Variants in TNR observed in about 807,000 individuals in gnomAD.
TNR encodes tenascin R, also known as tenascin-R.
A neutral mutation model predicts 150.4 loss-of-function variants in TNR; 45 were observed. The observed-to-expected ratio is 0.30, with a 90% CI of 0.24 to 0.38. TNR has a LOEUF of 0.38. TNR is among the 10% of genes least tolerant of loss of function. The probability of loss-of-function intolerance (pLI) is 1.00; values close to 1 mark genes in which losing one functional copy is unlikely to be tolerated. For missense variants in TNR, 1,544 were observed against 1,759.1 expected, an observed-to-expected ratio of 0.88 and a Z score of 2.19; for synonymous variants, 687 against 678.4, an observed-to-expected ratio of 1.01 and a Z score of -0.20.
chr1:175,505,013 A>G (rs1221144342), intron 2 of TNR, among the ~76,000 whole-genome samples: 4 of 142,252 alleles, frequency 2.8e-5, no homozygotes, highest in African/African-American at 1.1e-4. Context: ...CGACACCTGG[A>G]CCTCAGACTC....
intron 12 of TNR, 50 bp from the exon 13 acceptor site, chr1:175,363,877 A>G (rs757331274): frequency 6.4e-7 from 1 of 1,570,590 alleles, no homozygotes; most frequent in Non-Finnish European, 8.7e-7. Context: ...ACAGTGTGAA[A>G]AAGAAATTCT....
intron 2 of TNR, among the ~76,000 whole-genome samples, chr1:175,498,926 C>T (rs1658603702): frequency 6.6e-6 from 1 of 152,190 alleles, no homozygotes; most frequent in African/African-American, 2.4e-5. Context: ...ACTGTTTGCT[C>T]TGCCTTCTGT....
chr1:175,480,516 C>T (rs368440613), intron 2 of TNR, among the ~76,000 whole-genome samples: 2 of 152,120 alleles, frequency 1.3e-5, no homozygotes, highest in African/African-American at 4.8e-5. Flanking sequence ...CCTGCTGTTT[C>T]CACAGTCTCA....
chr1:175,506,222 A>C (rs1658951515), intron 2 of TNR, among the ~76,000 whole-genome samples: 1 of 152,218 alleles, frequency 6.6e-6, no homozygotes, highest in East Asian at 1.9e-4. Flanking sequence ...TAAGCCTCAA[A>C]ACACTTTTAA....
chr1:175,702,828 T>C (rs1331476781), intron 1 of TNR, among the ~76,000 whole-genome samples: 1 of 152,234 alleles, frequency 6.6e-6, no homozygotes, highest in Non-Finnish European at 1.5e-5. Flanking sequence ...TGTAGATATC[T>C]TTCTGCTCAG....
chr1:175,716,688 C>CA (rs1389153804), intron 1 of TNR, among the ~76,000 whole-genome samples: 1 of 152,126 alleles, frequency 6.6e-6, no homozygotes, highest in East Asian at 1.9e-4. Context: ...TATAAAACAC[C>CA]AATGAGACCA....
intron 1 of TNR, among the ~76,000 whole-genome samples, chr1:175,554,669 C>G (rs1661079207): frequency 6.6e-6 from 1 of 151,770 alleles, no homozygotes. Flanking sequence ...GCTGGCCCTG[C>G]TAAGGACAGG....
chr1:175,719,130 C>G (rs1667233207), intron 1 of TNR, among the ~76,000 whole-genome samples: 1 of 152,230 alleles, frequency 6.6e-6, no homozygotes, highest in East Asian at 1.9e-4. Context: ...CTCCTTGTCT[C>G]TGGCTCCCTC....
At chr1:175,404,356 T>G (rs781290748) in intron 3 of TNR, among the ~76,000 whole-genome samples, 2 of 152,148 alleles carry the variant, frequency 1.3e-5, no homozygotes, top group Non-Finnish European at 2.9e-5. Flanking sequence ...AAAACCCAGC[T>G]CCATGGTTAC....
chr1:175,519,866 TC>T (rs1571553887), intron 2 of TNR, among the ~76,000 whole-genome samples: 1 of 152,330 alleles, frequency 6.6e-6, no homozygotes, highest in East Asian at 1.9e-4. Flanking sequence ...CTGATTTCCT[TC>T]CTGGTGTCTG....
At chr1:175,623,329 C>T (rs560832117) in intron 1 of TNR, among the ~76,000 whole-genome samples, 3 of 152,246 alleles carry the variant, frequency 2.0e-5, no homozygotes, top group Non-Finnish European at 2.9e-5. Flanking sequence ...TATCTAGTAC[C>T]TGATACAGTC....
At chr1:175,583,658 C>A (rs773996297) in intron 1 of TNR, among the ~76,000 whole-genome samples, 1 of 152,138 alleles carries the variant, frequency 6.6e-6, no homozygotes. Flanking sequence ...TTAGTGGAAA[C>A]AAGCAAGGCA....
rs1392434609 is a variant in TNR, at chr1:175,415,187, C to T, written c.-63-8410G>A. On this transcript the variant is annotated intron_variant, in intron 2 of 22. Transcript: ENST00000367674. ...GTTAGAATTCGTTTAAAAATAGTTT[C>T]CTCCCTGCCGTTGGGATGCTCTGTC... Among the ~76,000 whole-genome samples the T allele has an allele frequency of 2.1e-5, 3 of 145,068 alleles. No homozygotes were observed. In the Admixed American group the frequency reaches 2.1e-4, roughly 10 times the overall value.
chr1:175,521,293 G>C (rs961633642), intron 2 of TNR, among the ~76,000 whole-genome samples: 1 of 152,154 alleles, frequency 6.6e-6, no homozygotes, highest in Non-Finnish European at 1.5e-5. Context: ...TTGTTGTGGA[G>C]CTTCTGAGGG....
intron 4 of TNR, among the ~76,000 whole-genome samples, chr1:175,402,539 C>T (rs1265691248): frequency 6.6e-6 from 1 of 152,070 alleles, no homozygotes; most frequent in Non-Finnish European, 1.5e-5. Context: ...TTAGCTGTTG[C>T]CCAATGTCCT....
At chr1:175,597,623 G>A (rs535153277) in intron 1 of TNR, among the ~76,000 whole-genome samples, 1 of 152,182 alleles carries the variant, frequency 6.6e-6, no homozygotes, top group Non-Finnish European at 1.5e-5. Context: ...TATACCTGCT[G>A]ATGGTTTTAG....
chr1:175,392,123 G>A (rs1273707376), intron 6 of TNR, among the ~76,000 whole-genome samples: 1 of 152,170 alleles, frequency 6.6e-6, no homozygotes, highest in Non-Finnish European at 1.5e-5. Flanking sequence ...GGAGACAAGA[G>A]GGAGAGGGAA....
chr1:175,503,383 G>C (rs906897361), intron 2 of TNR, among the ~76,000 whole-genome samples: 3 of 152,126 alleles, frequency 2.0e-5, no homozygotes, highest in African/African-American at 7.2e-5. Context: ...TATATTTTTA[G>C]AGTGTTATAT....
intron 2 of TNR, among the ~76,000 whole-genome samples, chr1:175,491,839 CG>C (rs1658271287): frequency 6.6e-6 from 1 of 151,760 alleles, no homozygotes; most frequent in Non-Finnish European, 1.5e-5. Flanking sequence ...TTAGTAGAGA[CG>C]GGGTTTCACT....
Sources: allele counts gnomAD v4.1 joint callset (sites outside exome capture counted in the v4.1 genomes callset), GRCh38; gene constraint gnomAD v4.1.1; transcripts MANE v1.5; gene names NCBI Gene and HGNC (gene_info 2026-07-23, HGNC 2026-07-21).